Variants in STARD13 observed in about 807,000 individuals in gnomAD.
STARD13 encodes the protein StAR related lipid transfer domain containing 13.
Under a neutral mutation model 106.4 loss-of-function variants are expected in STARD13, and 62 were observed. The observed-to-expected ratio is 0.58, with a 90% confidence interval of 0.48 to 0.72. The LOEUF is 0.72. Ranked by LOEUF, STARD13 falls within the 30% of genes least tolerant of loss-of-function variation. The pLI, the probability that STARD13 is intolerant of heterozygous loss-of-function variation, is 0.00. For synonymous variants in STARD13, 565 were observed against 553.0 expected (o/e 1.02, Z -0.31); for missense variants, 1,387 against 1,424.0 (o/e 0.97, Z 0.42).
chr13:33,243,705 G>A (rs567663356), intron 1 of STARD13, among the ~76,000 whole-genome samples: 7 of 152,156 alleles, frequency 4.6e-5, no homozygotes, highest in Admixed American at 6.5e-5. Flanking sequence ...CAGGGTCCCC[G>A]GGCCCTTACT....
At chr13:33,423,403 C>T in the STARD13 span, among the ~76,000 whole-genome samples, 1 of 152,214 alleles carries the variant, frequency 6.6e-6, no homozygotes, top group Non-Finnish European at 1.5e-5. Flanking sequence ...GATACCATCT[C>T]ACACCAGTTA....
intron 3 of STARD13, among the ~76,000 whole-genome samples, chr13:33,153,503 T>C (rs1327064946): frequency 6.6e-6 from 1 of 152,136 alleles, no homozygotes; most frequent in Non-Finnish European, 1.5e-5. Flanking sequence ...GCAGCCTGTG[T>C]GCCCTGAGTA....
At chr13:33,217,460 T>C (rs554380014) in intron 1 of STARD13, among the ~76,000 whole-genome samples, 26 of 152,334 alleles carry the variant, frequency 1.7e-4, no homozygotes, top group Middle Eastern at 3.4e-3. Context: ...AATGTCAGAC[T>C]GAGAGCATTT....
Position 33,296,228 on chromosome 13 carries a change from CAA to C in STARD13, c.124+54060_124+54061del, listed in dbSNP as rs35565794. Among the ~76,000 whole-genome samples the C allele has an allele frequency of 5.0e-3, 721 of 144,134 alleles. 2 individuals are homozygous for C. The highest frequency in any genetic ancestry group is 0.013 in the African/African-American group (491 of 39,224). 94.6% of individuals were successfully genotyped at this position (144,134 alleles called of 152,430 possible). On this transcript the variant is annotated intron_variant, in intron 1 of 5. Transcript: ENST00000567873. Reference sequence around the variant, plus strand: ...TGGGTGACAGAGCAAGACTTCATCTCAAAAAAAAAAAAAATCACCATGACATA... The same window carrying C: ...TGGGTGACAGAGCAAGACTTCATCTCAAAAAAAAAAAATCACCATGACATA...
At chr13:33,653,049 T>G in the STARD13 span, among the ~76,000 whole-genome samples, 1 of 152,160 alleles carries the variant, frequency 6.6e-6, no homozygotes, top group Non-Finnish European at 1.5e-5. Flanking sequence ...TGGAGAGATA[T>G]CTCATGCCTC....
At chr13:33,399,700 CAAAAA>C in the STARD13 span, among the ~76,000 whole-genome samples, 2 of 26,948 alleles carry the variant, frequency 7.4e-5, no homozygotes, top group Non-Finnish European at 1.8e-4. Flanking sequence ...GACTCTGTCT[CAAAAA>C]AAAAAAAAAA....
the STARD13 span, among the ~76,000 whole-genome samples, chr13:33,523,539 T>A: frequency 6.6e-6 from 1 of 152,116 alleles, no homozygotes; most frequent in Non-Finnish European, 1.5e-5. Context: ...TTAAAATCCT[T>A]CTATATCTAA....
At chr13:33,300,735 C>A (rs559353657) in intron 1 of STARD13, among the ~76,000 whole-genome samples, 2 of 152,118 alleles carry the variant, frequency 1.3e-5, no homozygotes, top group African/African-American at 4.8e-5. Flanking sequence ...TAAATATAAG[C>A]CCTTCATTTT....
Position 33,112,843 on chromosome 13 carries a change from C to A in STARD13, c.2370G>T (p.Leu790Phe), listed in dbSNP as rs184034657. 8.2e-5 allele frequency: 133 copies of A among 1,614,022 alleles called. No individual in the cohort carries two copies. In the East Asian group the frequency reaches 2.7e-3, roughly 33 times the overall value. ...AGTTGACGACGTCGTTCAGGAAACA[C>A]AAGAGCGTCTGCAGGACCTCCCTGT... The part of the protein sequence containing the change: ...DENREVLQTL[L>F]CFLNDVVNLV... Residue 790 changes from leucine (L) to phenylalanine (F), a missense_variant, in exon 9 of 14, where the codon TTG becomes TTT. Transcript: ENST00000336934.
At chr13:33,331,787 A>C (rs2077839858) in intron 1 of STARD13, among the ~76,000 whole-genome samples, 1 of 151,932 alleles carries the variant, frequency 6.6e-6, no homozygotes, top group Admixed American at 6.6e-5. Flanking sequence ...CATGATGTTC[A>C]CTCAATAAAT....
At chr13:33,137,646 A>G (rs2048154951) in intron 4 of STARD13, among the ~76,000 whole-genome samples, 1 of 152,210 alleles carries the variant, frequency 6.6e-6, no homozygotes, top group South Asian at 2.1e-4. Context: ...TGAGAAGCTT[A>G]TAATAAACAG....
Position 33,273,473 on chromosome 13 carries a change from G to A in STARD13, c.169+11997C>T, listed in dbSNP as rs555348144. The stretch of plus-strand genomic sequence containing the variant: ...AATTTCTAAATAGAGGGGGACTTAA[G>A]AGTATACATATTCCATAAAATCAAT... On this transcript the variant is annotated intron_variant, in intron 1 of 13. Transcript: ENST00000336934. 3.3e-5 allele frequency among the ~76,000 whole-genome samples: 5 copies of A among 152,288 alleles called. No homozygotes were observed. The South Asian group carries it at 8.3e-4, about 25-fold the overall frequency.
chr13:33,356,771 G>T, the STARD13 span, among the ~76,000 whole-genome samples: 1,107 of 152,290 alleles, frequency 7.3e-3, 5 homozygotes, highest in Non-Finnish European at 0.011. Context: ...TGAGATTCCA[G>T]TCCAGCCAAA....
At chr13:33,401,068 A>G in the STARD13 span, among the ~76,000 whole-genome samples, 3 of 152,172 alleles carry the variant, frequency 2.0e-5, no homozygotes, top group Non-Finnish European at 4.4e-5. Flanking sequence ...ATATATGTGC[A>G]TGACACCCCT....
At chr13:33,354,436 A>C (rs139681968), upstream of STARD13, among the ~76,000 whole-genome samples, 91 of 152,274 alleles carry the variant, frequency 6.0e-4, no homozygotes, top group Middle Eastern at 0.027. Context: ...TGTTTCTTCC[A>C]TGCTTTGGGG....
At chr13:33,385,164 A>G in the STARD13 span, among the ~76,000 whole-genome samples, 2 of 134,504 alleles carry the variant, frequency 1.5e-5, no homozygotes, top group African/African-American at 5.5e-5. Flanking sequence ...TGGGTTGATA[A>G]TAGTTTCAAC....
At chr13:33,206,956 G>GT (rs1400582845) in intron 1 of STARD13, among the ~76,000 whole-genome samples, 2 of 152,208 alleles carry the variant, frequency 1.3e-5, no homozygotes, top group African/African-American at 4.8e-5. Context: ...AAGGCACAGA[G>GT]TATGCTCTGG....
the STARD13 span, among the ~76,000 whole-genome samples, chr13:33,613,422 A>G: frequency 6.6e-6 from 1 of 152,358 alleles, no homozygotes; most frequent in African/African-American, 2.4e-5. Flanking sequence ...AGTTGTGGGC[A>G]CAGAATTAGA....
chr13:33,418,250 T>G, the STARD13 span, among the ~76,000 whole-genome samples: 2 of 152,218 alleles, frequency 1.3e-5, no homozygotes, highest in Non-Finnish European at 2.9e-5. Flanking sequence ...CTGTGCTTTT[T>G]CCATGGTCTT....
Sources: gnomAD v4.1 joint callset for allele counts (sites outside exome capture counted in the v4.1 genomes callset) on GRCh38, gnomAD v4.1.1 for gene constraint, MANE v1.5 for transcripts, NCBI Gene and HGNC (gene_info 2026-07-23, HGNC 2026-07-21) for gene names.